Variants in HDAC4 observed in about 807,000 individuals in gnomAD.
HDAC4 encodes the protein histone deacetylase 4, also known as histone deacetylase A.
Under a neutral mutation model 135.1 loss-of-function variants are expected in HDAC4, and 16 were observed. The ratio of observed to expected loss-of-function variants is 0.12; its 90% CI spans 0.08 to 0.18. The LOEUF (loss-of-function observed/expected upper bound fraction) is 0.18. Ranked by LOEUF, HDAC4 falls within the 10% of genes least tolerant of loss-of-function variation. The pLI is 1.00. For synonymous variants in HDAC4, 685 were observed against 653.4 expected, an observed-to-expected ratio of 1.05 and a Z score of -0.74; for missense variants, 1,143 against 1,511.8, an observed-to-expected ratio of 0.76 and a Z score of 4.05.
chr2:239,329,517 T>TCCTCCCACCGGGACACCCCC, intron 2 of HDAC4, among the ~76,000 whole-genome samples: 1 of 151,844 alleles, frequency 6.6e-6, no homozygotes, highest in South Asian at 2.1e-4. Flanking sequence ...GGGACACCCC[T>TCCTCCCACCGGGACACCCCC]CCTCCTTGCT....
intron 22 of HDAC4, among the ~76,000 whole-genome samples, chr2:239,069,449 G>C (rs1181526086): frequency 8.8e-6 from 1 of 113,610 alleles, no homozygotes; most frequent in Non-Finnish European, 1.9e-5. Flanking sequence ...CTTGCTTAGT[G>C]AGAGTGAGTC....
intron 6 of HDAC4, among the ~76,000 whole-genome samples, chr2:239,159,667 C>G (rs187199303): frequency 6.6e-6 from 1 of 152,102 alleles, no homozygotes; most frequent in Non-Finnish European, 1.5e-5. Context: ...AAGCTAACCC[C>G]GGCCACAGCC....
Position 239,353,628 on chromosome 2 carries a change from GA to G in HDAC4, c.-219-711del, listed in dbSNP as rs145764701. On this transcript the variant is annotated intron_variant, in intron 1 of 26. Transcript: ENST00000543185. Reference sequence around the variant, plus strand: ...AGGGAGTGCCAAAGGTCCTCTGGGGGATAATATCATCCCCTGGTTCAAAATA... The same window carrying G: ...AGGGAGTGCCAAAGGTCCTCTGGGGGTAATATCATCCCCTGGTTCAAAATA... Among the ~76,000 whole-genome samples, 310 of 152,232 alleles carry G rather than the reference GA, an allele frequency of 2.0e-3. 1 individual carries two copies. The highest frequency in any genetic ancestry group is 7.4e-3 in the African/African-American group (306 of 41,520).
rs7585225 is a variant in HDAC4 at position 239,108,040 on chromosome 2, T to C, written c.2112+10A>G. ...AGCCGCAGCTGCCCACCTGCCCCGG[T>C]CGGCGTTACCTCGCATTTGCCCCGG... is the stretch of plus-strand genomic sequence containing the variant. On this transcript the variant is annotated intron_variant, in intron 15 of 26. Transcript: ENST00000543185. 0.82 allele frequency: 1,325,567 copies of C among 1,610,496 alleles called. 546,741 individuals are homozygous for C. The highest frequency in any genetic ancestry group is 0.92 in the South Asian group (83,926 of 90,988).
At chr2:239,276,523 C>T (rs1004126482) in intron 2 of HDAC4, among the ~76,000 whole-genome samples, 16 of 152,250 alleles carry the variant, frequency 1.1e-4, no homozygotes, top group African/African-American at 2.7e-4. Context: ...GTTCCTGAAA[C>T]GGCTTCACCA....
At chr2:239,230,945 T>G (rs981281503) in intron 3 of HDAC4, among the ~76,000 whole-genome samples, 1 of 152,178 alleles carries the variant, frequency 6.6e-6, no homozygotes, top group Non-Finnish European at 1.5e-5. Flanking sequence ...CCTCAAATAC[T>G]TCCTGTTCCA....
At chr2:239,290,768 C>T (rs879918451) in intron 2 of HDAC4, among the ~76,000 whole-genome samples, 1 of 152,202 alleles carries the variant, frequency 6.6e-6, no homozygotes, top group Non-Finnish European at 1.5e-5. Flanking sequence ...ACACCACACA[C>T]GCTCCCGTGT....
chr2:239,073,675 C>T (rs1258183966), intron 22 of HDAC4, among the ~76,000 whole-genome samples: 1 of 152,270 alleles, frequency 6.6e-6, no homozygotes, highest in Non-Finnish European at 1.5e-5. Context: ...GACCCCACCA[C>T]AAAGCATGGC....
At chr2:239,151,724 A>G (rs1409889934) in intron 7 of HDAC4, among the ~76,000 whole-genome samples, 1 of 152,244 alleles carries the variant, frequency 6.6e-6, no homozygotes, top group African/African-American at 2.4e-5. Context: ...ATGCCGGAAC[A>G]AGGCTGAAGT....
rs56906088 is a variant in HDAC4, at chr2:239,387,004, A to T, written c.-220+13974T>A. ...GAGGAGCCAGACTGCACACGACTCC[A>T]GTGCGTGAGCACGTGTGTGCAGATG... On this transcript the variant is annotated intron_variant, in intron 1 of 26. Coordinates refer to ENST00000543185, the MANE Select transcript of HDAC4 (RefSeq NM_001378414.1). Among the ~76,000 whole-genome samples, 1,028 of 152,392 alleles carry T rather than the reference A, an allele frequency of 6.7e-3. 12 individuals are homozygous for T. The highest frequency in any genetic ancestry group is 0.023 in the African/African-American group (964 of 41,602).
At chr2:239,397,059 G>A (rs1007444577) in intron 1 of HDAC4, among the ~76,000 whole-genome samples, 3 of 152,244 alleles carry the variant, frequency 2.0e-5, no homozygotes, top group African/African-American at 4.8e-5. Context: ...CTGTAACAGC[G>A]CCAAGAACAG....
chr2:239,329,332 T>C (rs1691397317), intron 2 of HDAC4, among the ~76,000 whole-genome samples: 1 of 152,206 alleles, frequency 6.6e-6, no homozygotes, highest in African/African-American at 2.4e-5. Context: ...AGTTTTATGG[T>C]TTACCATCAC....
chr2:239,261,344 C>A (rs2049354242), intron 2 of HDAC4, among the ~76,000 whole-genome samples: 1 of 152,224 alleles, frequency 6.6e-6, no homozygotes, highest in Non-Finnish European at 1.5e-5. Flanking sequence ...ACAGAAGGCA[C>A]CAAGTCCAGA....
Position 239,349,969 on chromosome 2 carries a change from A to G in HDAC4, c.22+2709T>C, listed in dbSNP as rs113146921. On this transcript the variant is annotated intron_variant, in intron 2 of 26. Coordinates refer to ENST00000543185, the MANE Select transcript of HDAC4 (RefSeq NM_001378414.1). The surrounding 1 kb of genome is among the most constrained non-coding windows in gnomAD (Gnocchi z 5.7). ...ATAAGGCGCACACAACCCAACTCAC[A>G]TGGGCAGGACAGGCCCGGGCAGGCC... is the stretch of plus-strand genomic sequence containing the variant. 6.6e-6 allele frequency among the ~76,000 whole-genome samples: 1 copy of G among 152,184 alleles called. No homozygotes were observed. The highest frequency in any genetic ancestry group is 1.5e-5 in the Non-Finnish European group (1 of 68,038).
At chr2:239,217,218 T>A (rs2046691727) in intron 3 of HDAC4, among the ~76,000 whole-genome samples, 3 of 152,104 alleles carry the variant, frequency 2.0e-5, no homozygotes, top group Non-Finnish European at 2.9e-5. Context: ...GCCGGCAGCA[T>A]CGCTCCCGGA....
intron 16 of HDAC4, among the ~76,000 whole-genome samples, chr2:239,097,672 G>A (rs1413441209): frequency 1.3e-5 from 2 of 152,256 alleles, no homozygotes; most frequent in African/African-American, 4.8e-5. Context: ...GGCGGGATGT[G>A]GTGGGCAAGA....
intron 7 of HDAC4, among the ~76,000 whole-genome samples, chr2:239,153,426 T>C (rs2042232671): frequency 6.6e-6 from 1 of 152,250 alleles, no homozygotes; most frequent in Non-Finnish European, 1.5e-5. Flanking sequence ...TAAAATTTAA[T>C]GACGTGTTTC....
At chr2:239,332,082 A>C (rs1691622299) in intron 2 of HDAC4, among the ~76,000 whole-genome samples, 1 of 152,244 alleles carries the variant, frequency 6.6e-6, no homozygotes, top group African/African-American at 2.4e-5. Flanking sequence ...CTAGGCTTAA[A>C]ATAGCTTCAA....
At position 239,315,879 on chromosome 2, in the gene HDAC4, A is replaced by AT. The variant is rs1271251620; in HGVS notation, c.22+36798_22+36799insA. Among the ~76,000 whole-genome samples the AT allele has an allele frequency of 3.9e-5, 6 of 152,340 alleles. No homozygotes were observed. In the South Asian group the frequency reaches 6.2e-4, roughly 16 times the overall value. On this transcript the variant is annotated intron_variant, in intron 2 of 26. Transcript: ENST00000543185. ...AAAATCCAGATGCAATTTAAAAAAAACAGTAAGTTTGATACATGGAGGAAA... is the reference window on the plus strand; with the variant it reads ...AAAATCCAGATGCAATTTAAAAAAAATCAGTAAGTTTGATACATGGAGGAAA...
Sources: allele counts gnomAD v4.1 joint callset (sites outside exome capture counted in the v4.1 genomes callset), GRCh38; gene constraint gnomAD v4.1.1; non-coding constraint Gnocchi (gnomAD v3.1); transcripts MANE v1.5; gene names NCBI Gene and HGNC (gene_info 2026-07-23, HGNC 2026-07-21).